ZBBX: variants seen among roughly 807,000 people sequenced by gnomAD.
ZBBX encodes the protein zinc finger B-box domain-containing protein 1.
A neutral mutation model predicts 108.5 loss-of-function variants in ZBBX; 101 were observed. That is an observed-to-expected ratio of 0.93 (90% CI 0.79 to 1.10). The LOEUF (loss-of-function observed/expected upper bound fraction) is 1.10. Among genes scored for constraint, ZBBX ranks in the 50% least tolerant of loss-of-function variants. The pLI, the probability that ZBBX is intolerant of heterozygous loss-of-function variation, is 0.00. For missense variants in ZBBX, 1,009 were observed against 941.4 expected, an observed-to-expected ratio of 1.07 and a Z score of -0.94; for synonymous variants, 356 against 323.4, an observed-to-expected ratio of 1.10 and a Z score of -1.08.
intron 20 of ZBBX, among the ~76,000 whole-genome samples, chr3:167,252,662 C>T (rs1672854772): frequency 6.6e-6 from 1 of 151,326 alleles, no homozygotes. Flanking sequence ...ATCAGCAAAG[C>T]CCTGGCAGTT....
chr3:167,276,267 A>G (rs1283875143), intron 20 of ZBBX, among the ~76,000 whole-genome samples: 1 of 152,254 alleles, frequency 6.6e-6, no homozygotes, highest in Non-Finnish European at 1.5e-5. Context: ...CTGAGAGAAG[A>G]AGGCTTCAGA....
At position 167,385,439 on chromosome 3, in the gene ZBBX, C is replaced by T. The variant is rs77579815; in HGVS notation, c.-445-5034G>A. Among the ~76,000 whole-genome samples, 230 of 152,088 alleles carry T rather than the reference C, an allele frequency of 1.5e-3. 7 individuals are homozygous for T. In the East Asian group the frequency reaches 0.04, roughly 26 times the overall value. The stretch of plus-strand genomic sequence containing the variant: ...GTTGCTTTGGATGAGTGAGTAGGTA[C>T]TATAGACTTTATAAACACTATAAAC... On this transcript the variant is annotated intron_variant, in intron 1 of 21. Transcript: ENST00000455345.
chr3:167,219,207 A>AGCATT, the ZBBX span, among the ~76,000 whole-genome samples: 2 of 152,082 alleles, frequency 1.3e-5, no homozygotes, highest in Non-Finnish European at 2.9e-5. Context: ...CCCCACTTTC[A>AGCATT]GCATTACACA....
chr3:167,363,517 C>A (rs946944695), intron 6 of ZBBX, among the ~76,000 whole-genome samples: 33 of 151,240 alleles, frequency 2.2e-4, no homozygotes, highest in Admixed American at 8.6e-4. Context: ...CACACACACA[C>A]AAAAAATATG....
intron 20 of ZBBX, among the ~76,000 whole-genome samples, chr3:167,259,669 T>C (rs1169381861): frequency 3.3e-5 from 5 of 152,186 alleles, no homozygotes; most frequent in African/African-American, 4.8e-5. Context: ...TTTGATACGT[T>C]GTGTCATTAT....
At chr3:167,405,212 G>A (rs888329139) in intron 1 of ZBBX, among the ~76,000 whole-genome samples, 1 of 152,164 alleles carries the variant, frequency 6.6e-6, no homozygotes, top group Non-Finnish European at 1.5e-5. Context: ...ATGACATCAG[G>A]AAAGAGGTCA....
the ZBBX span, among the ~76,000 whole-genome samples, chr3:167,232,952 C>T: frequency 4.6e-5 from 7 of 151,806 alleles, no homozygotes; most frequent in Admixed American, 1.3e-4. Flanking sequence ...CCTGAATTGT[C>T]ACCTTTCCCC....
chr3:167,311,261 C>T (rs186307699), intron 16 of ZBBX, among the ~76,000 whole-genome samples: 264 of 152,118 alleles, frequency 1.7e-3, no homozygotes, highest in Non-Finnish European at 2.9e-3. Flanking sequence ...ACATGTGAAA[C>T]AATATATATA....
In ZBBX at chr3:167,302,945, A is replaced by G. The variant is rs149119980; in HGVS notation, c.1725+2698T>C. Among the ~76,000 whole-genome samples the G allele has an allele frequency of 1.9e-3, 295 of 152,312 alleles. 1 individual carries two copies. Among genetic ancestry groups the G allele is most frequent in the Non-Finnish European group, 3.6e-3 (245 of 68,026 alleles). ...AGGAAAACATTATTTTTATTACACC[A>G]GACAGTAAACAAACCTAGTCTTTGC... On this transcript the variant is annotated intron_variant, in intron 17 of 21. Transcript: ENST00000675490.
chr3:167,322,080 T>A (rs775863292), intron 12 of ZBBX, 37 bp downstream of exon 12: 1 of 1,121,434 alleles, frequency 8.9e-7, no homozygotes, highest in Non-Finnish European at 1.2e-6. Context: ...TAAATAACTT[T>A]CATATTTCCT....
chr3:167,181,817 A>G, the ZBBX span, among the ~76,000 whole-genome samples: 2 of 152,116 alleles, frequency 1.3e-5, no homozygotes, highest in South Asian at 2.1e-4. Context: ...AACTAGACCT[A>G]CCTAGAAGTA....
chr3:167,279,026 A>G (rs1433345001), intron 20 of ZBBX, among the ~76,000 whole-genome samples: 2 of 152,074 alleles, frequency 1.3e-5, no homozygotes, highest in African/African-American at 4.8e-5. Flanking sequence ...TAGATGCAGA[A>G]AAAGCCTTTG....
chr3:167,190,442 G>A, the ZBBX span, among the ~76,000 whole-genome samples: 1 of 145,130 alleles, frequency 6.9e-6, no homozygotes, highest in Admixed American at 7.0e-5. Flanking sequence ...GTGCAGTGGC[G>A]CAATCTCGGC....
intron 19 of ZBBX, among the ~76,000 whole-genome samples, chr3:167,282,821 C>T (rs1034532565): frequency 5.9e-5 from 9 of 152,062 alleles, no homozygotes; most frequent in Non-Finnish European, 8.8e-5. Context: ...AATTTTATAA[C>T]GTATTCCAAA....
At chr3:167,197,494 C>T in the ZBBX span, among the ~76,000 whole-genome samples, 48 of 152,008 alleles carry the variant, frequency 3.2e-4, no homozygotes, top group Non-Finnish European at 1.0e-4. Context: ...GCCGAGATTG[C>T]ACCACCACAT....
In ZBBX at chr3:167,368,468, C is replaced by A; in HGVS notation, c.175G>T (p.Asp59Tyr). ...FRSTRNKEKE[D>Y]RESSEYYWKS... ...TCTAAGAGTTTCACTCACTCTCTAT[C>A]TTCCTTTTCTTTGTTTCTTGTGGAT... is the stretch of plus-strand genomic sequence containing the variant. The change falls in exon 5 of 22, where the codon GAT (aspartate) becomes TAT (tyrosine). Residue 59 changes from aspartate (D) to tyrosine (Y), a missense_variant. Coordinates refer to ENST00000675490, the MANE Select transcript of ZBBX (RefSeq NM_001199201.2). 6.2e-7 allele frequency: 1 copy of A among 1,609,536 alleles called. No homozygotes were observed. The highest frequency in any genetic ancestry group is 1.1e-5 in the South Asian group (1 of 90,896).
At chr3:167,189,945 TC>T in the ZBBX span, among the ~76,000 whole-genome samples, 3 of 152,206 alleles carry the variant, frequency 2.0e-5, no homozygotes, top group Non-Finnish European at 2.9e-5. Flanking sequence ...ATTTGAAACC[TC>T]CTTTTTCACT....
At chr3:167,339,199 C>A (rs1740109922) in intron 9 of ZBBX, among the ~76,000 whole-genome samples, 1 of 151,864 alleles carries the variant, frequency 6.6e-6, no homozygotes, top group Non-Finnish European at 1.5e-5. Context: ...AAGCCAAAAT[C>A]TTAACAACAT....
At chr3:167,194,744 T>G in the ZBBX span, among the ~76,000 whole-genome samples, 1 of 152,118 alleles carries the variant, frequency 6.6e-6, no homozygotes, top group Non-Finnish European at 1.5e-5. Flanking sequence ...CTTGGGCTCC[T>G]CAGAGCCACC....
Sources: gnomAD v4.1 joint callset for allele counts (sites outside exome capture counted in the v4.1 genomes callset) on GRCh38, gnomAD v4.1.1 for gene constraint, MANE v1.5 for transcripts, NCBI Gene and HGNC (gene_info 2026-07-23, HGNC 2026-07-21) for gene names.